The following KCNT2 variants were observed in gnomAD, a reference collection of about 807,000 sequenced individuals.
KCNT2 encodes potassium sodium-activated channel subfamily T member 2, also known as potassium channel subfamily T member 2.
KCNT2 carries 67 observed loss-of-function variants against 153.8 expected under a neutral mutation model. The ratio of observed to expected loss-of-function variants is 0.44; its 90% CI spans 0.36 to 0.53. The LOEUF is 0.53. Ranked by LOEUF, KCNT2 falls within the 20% of genes least tolerant of loss-of-function variation. The pLI, the probability that KCNT2 is intolerant of heterozygous loss-of-function variation, is 0.00. For missense variants in KCNT2, 975 were observed against 1,354.8 expected, an observed-to-expected ratio of 0.72 and a Z score of 4.40; for synonymous variants, 500 against 458.8, an observed-to-expected ratio of 1.09 and a Z score of -1.15.
At chr1:196,439,726 G>A (rs1403648413) in intron 8 of KCNT2, among the ~76,000 whole-genome samples, 1 of 151,846 alleles carries the variant, frequency 6.6e-6, no homozygotes, top group African/African-American at 2.4e-5. Context: ...ATATATACCT[G>A]TAGCAAGCCA....
intron 1 of KCNT2, among the ~76,000 whole-genome samples, chr1:196,595,691 T>C (rs12136798): frequency 0.13 from 19,270 of 152,082 alleles, 3,832 homozygotes; most frequent in African/African-American, 0.43. Flanking sequence ...GCTTTTAATT[T>C]TTATTTTTAT....
intron 14 of KCNT2, among the ~76,000 whole-genome samples, chr1:196,371,745 T>C (rs1668557579): frequency 6.6e-6 from 1 of 152,128 alleles, no homozygotes; most frequent in African/African-American, 2.4e-5. Context: ...AGTATAATTC[T>C]TTTTCACCAG....
rs1318971629 is a variant in KCNT2 at position 196,498,392 on chromosome 1, CCT to C, written c.96-6053_96-6052del. ...AGATCACTATCAGAGGAAGGTTCTT[CCT>C]CTGTGTCTACTTCTTACTACCAAGT... On this transcript the variant is annotated intron_variant, in intron 1 of 27. Coordinates refer to ENST00000294725, the MANE Select transcript of KCNT2 (RefSeq NM_198503.5). 7.2e-5 allele frequency among the ~76,000 whole-genome samples: 11 copies of C among 152,206 alleles called. No individual in the cohort carries two copies. In the East Asian group the frequency reaches 2.1e-3, roughly 29 times the overall value.
At chr1:196,265,275 T>C (rs1028004276) in intron 25 of KCNT2, among the ~76,000 whole-genome samples, 2 of 152,334 alleles carry the variant, frequency 1.3e-5, no homozygotes, top group East Asian at 3.9e-4. Flanking sequence ...TTATGCTGTT[T>C]GAGTTTTTTT....
intron 20 of KCNT2, among the ~76,000 whole-genome samples, chr1:196,318,917 T>A (rs1347423116): frequency 2.0e-5 from 3 of 151,720 alleles, no homozygotes; most frequent in Admixed American, 1.3e-4. Flanking sequence ...CGTTTTGATC[T>A]TTTATTTTTA....
intron 25 of KCNT2, among the ~76,000 whole-genome samples, chr1:196,260,440 T>C (rs1012497796): frequency 6.6e-6 from 1 of 151,820 alleles, no homozygotes; most frequent in Non-Finnish European, 1.5e-5. Context: ...ATGTATACAT[T>C]AGTTAAGCAA....
intron 1 of KCNT2, among the ~76,000 whole-genome samples, chr1:196,573,506 G>A (rs1661011211): frequency 6.6e-6 from 1 of 152,008 alleles, no homozygotes; most frequent in Non-Finnish European, 1.5e-5. Flanking sequence ...TAACAACTTT[G>A]ATGAGCTACT....
chr1:196,294,426 C>A (rs1660492499), intron 22 of KCNT2, among the ~76,000 whole-genome samples: 1 of 152,050 alleles, frequency 6.6e-6, no homozygotes. Flanking sequence ...CAGACACGCG[C>A]CACCATACCC....
chr1:196,458,858 C>G (rs1676908211), intron 8 of KCNT2, among the ~76,000 whole-genome samples: 1 of 151,890 alleles, frequency 6.6e-6, no homozygotes, highest in Non-Finnish European at 1.5e-5. Context: ...TTGCTGTGCA[C>G]AGTTACTGGA....
intron 20 of KCNT2, 32 bp downstream of exon 20, chr1:196,319,452 C>T (rs1663062526): frequency 6.6e-7 from 1 of 1,505,122 alleles, no homozygotes; most frequent in Non-Finnish European, 9.2e-7. Context: ...GGACACTACA[C>T]TAGTTAGTGT....
At chr1:196,439,639 A>G (rs1018520417) in intron 8 of KCNT2, among the ~76,000 whole-genome samples, 1 of 151,992 alleles carries the variant, frequency 6.6e-6, no homozygotes, top group African/African-American at 2.4e-5. Context: ...AGGTAGGAAA[A>G]TATTTCCCTT....
chr1:196,245,542 T>C (rs1001609123), intron 26 of KCNT2, among the ~76,000 whole-genome samples: 4 of 152,154 alleles, frequency 2.6e-5, no homozygotes, highest in Non-Finnish European at 4.4e-5. Flanking sequence ...CGACCAATTA[T>C]GGAAAGACAG....
At chr1:196,363,605 G>T (rs890844376) in intron 14 of KCNT2, among the ~76,000 whole-genome samples, 2 of 152,094 alleles carry the variant, frequency 1.3e-5, no homozygotes, top group African/African-American at 4.8e-5. Flanking sequence ...TATGGCTGGA[G>T]AATGGGTTTG....
At chr1:196,452,579 A>G (rs749195553) in intron 8 of KCNT2, among the ~76,000 whole-genome samples, 3 of 151,950 alleles carry the variant, frequency 2.0e-5, no homozygotes, top group Non-Finnish European at 2.9e-5. Flanking sequence ...CTATGTCTGC[A>G]AACTGAAATT....
chr1:196,422,405 G>A (rs890386531), intron 12 of KCNT2, among the ~76,000 whole-genome samples: 1 of 151,688 alleles, frequency 6.6e-6, no homozygotes, highest in Non-Finnish European at 1.5e-5. Flanking sequence ...GGAGGTAGTA[G>A]AATTTACTGA....
chr1:196,283,982 G>A (rs1338976878), intron 23 of KCNT2, among the ~76,000 whole-genome samples: 1 of 151,312 alleles, frequency 6.6e-6, no homozygotes, highest in Non-Finnish European at 1.5e-5. Context: ...TGTAATCTCA[G>A]CACTTTGGGA....
At chr1:196,592,904 T>A (rs1663555770) in intron 1 of KCNT2, among the ~76,000 whole-genome samples, 1 of 150,026 alleles carries the variant, frequency 6.7e-6, no homozygotes, top group Non-Finnish European at 1.5e-5. Flanking sequence ...TTAAGAAAAT[T>A]TAATAAATTA....
At chr1:196,344,027 G>A (rs575711306) in intron 14 of KCNT2, among the ~76,000 whole-genome samples, 3 of 152,078 alleles carry the variant, frequency 2.0e-5, no homozygotes, top group East Asian at 1.9e-4. Context: ...CGATCCGCCC[G>A]CCTTGGCCTC....
intron 8 of KCNT2, among the ~76,000 whole-genome samples, chr1:196,440,912 C>A (rs775043256): frequency 6.6e-6 from 1 of 151,752 alleles, no homozygotes; most frequent in Non-Finnish European, 1.5e-5. Flanking sequence ...AAATCTGAAC[C>A]TTGAGAACTC....
Sources: allele counts gnomAD v4.1 joint callset (sites outside exome capture counted in the v4.1 genomes callset), GRCh38; gene constraint gnomAD v4.1.1; transcripts MANE v1.5; gene names NCBI Gene and HGNC (gene_info 2026-07-23, HGNC 2026-07-21).